The following GRAMD2A variants were observed in gnomAD, a reference collection of about 807,000 sequenced individuals.
The protein encoded by GRAMD2A is GRAM domain-containing protein 2A.
In GRAMD2A, 37 loss-of-function variants were observed where a neutral mutation model predicts 51.1. That is an observed-to-expected ratio of 0.72 (90% confidence interval 0.56 to 0.95). GRAMD2A has a LOEUF of 0.95. GRAMD2A is among the 40% of genes least tolerant of loss of function. GRAMD2A has a pLI of 0.00. For synonymous variants in GRAMD2A, 136 were observed against 157.1 expected (o/e 0.87, Z 1.01); for missense variants, 414 against 426.9 (o/e 0.97, Z 0.27).
chr15:72,167,818 C>T lies in GRAMD2A; in HGVS notation c.290G>A (p.Arg97Lys). Residue 97 changes from arginine to lysine, a missense_variant, in exon 5 of 12, where the codon AGG (arginine) becomes AAG (lysine). By Grantham distance (26) the Arg-to-Lys change is conservative. Transcript: ENST00000309731. ...VLKVCSCALQ[R>K]DFLLQGRLYI... ...GAGCCGGCCCTGGAGGAGGAAGTCC[C>T]TCTGGAGGGCACAGGAACACACTAG... The T allele has an allele frequency of 6.2e-7, 1 of 1,613,896 alleles. No homozygotes were observed. The highest frequency in any genetic ancestry group is 8.5e-7 in the Non-Finnish European group (1 of 1,179,794).
At chr15:72,186,997 A>C (rs76847110) in intron 1 of GRAMD2A, among the ~76,000 whole-genome samples, 1 of 140,776 alleles carries the variant, frequency 7.1e-6, no homozygotes, top group African/African-American at 2.7e-5. Context: ...TAAAAATACA[A>C]AAAAAAAAAA....
chr15:72,184,730 C>T (rs933829905), intron 1 of GRAMD2A, among the ~76,000 whole-genome samples: 1 of 152,234 alleles, frequency 6.6e-6, no homozygotes, highest in African/African-American at 2.4e-5. Flanking sequence ...TGCGGGAACG[C>T]TCCTTAGGAA....
intron 1 of GRAMD2A, among the ~76,000 whole-genome samples, chr15:72,196,698 C>T (rs1247782236): frequency 6.6e-6 from 1 of 152,098 alleles, no homozygotes; most frequent in Non-Finnish European, 1.5e-5. Context: ...TACCCTCTCT[C>T]GTTCCCTAGG....
chr15:72,177,849 C>A (rs1444548479), intron 1 of GRAMD2A, among the ~76,000 whole-genome samples: 1 of 152,142 alleles, frequency 6.6e-6, no homozygotes, highest in Non-Finnish European at 1.5e-5. Flanking sequence ...TGTATCAGCC[C>A]CCTGAGTAGC....
chr15:72,188,392 G>A (rs1374059032), intron 1 of GRAMD2A, among the ~76,000 whole-genome samples: 1 of 150,430 alleles, frequency 6.6e-6, no homozygotes, highest in African/African-American at 2.4e-5. Flanking sequence ...GAGAAAAAAA[G>A]GAAGTACTAT....
intron 1 of GRAMD2A, among the ~76,000 whole-genome samples, chr15:72,173,063 G>A (rs375058141): frequency 2.0e-5 from 3 of 152,116 alleles, no homozygotes; most frequent in Non-Finnish European, 2.9e-5. Context: ...GGGATAGAAC[G>A]GGATGACAAT....
At position 72,168,979 on chromosome 15, in the gene GRAMD2A, C is replaced by A. The variant is rs2081579468; in HGVS notation, c.152G>T (p.Gly51Val). 1 of 1,614,210 alleles carries A rather than the reference C, an allele frequency of 6.2e-7. No homozygotes were observed. ...CTTCTTTATCTCTTCACCCTTCAAG[C>A]CTTCTGGCCAGTGCAGACTGCAAAG... ...PPDYSLHWPE[G>V]LKGEEIKKCG... The change falls in exon 3 of 12, where the codon GGC becomes GTC. Residue 51 changes from glycine to valine, a missense_variant. Physicochemically the swap from Gly to Val is moderately radical, Grantham distance 109. Coordinates refer to ENST00000309731, the MANE Select transcript of GRAMD2A (RefSeq NM_001012642.3).
chr15:72,195,789 G>T (rs569445620), intron 1 of GRAMD2A, among the ~76,000 whole-genome samples: 1 of 151,722 alleles, frequency 6.6e-6, no homozygotes, highest in Non-Finnish European at 1.5e-5. Context: ...GTGTGGTGGC[G>T]CATGCCTGTA....
intron 3 of GRAMD2A, 146 bp downstream of exon 3, chr15:72,168,793 C>A: frequency 1.3e-6 from 1 of 778,912 alleles, no homozygotes; most frequent in Non-Finnish European, 2.2e-6. Context: ...GGGGGACACA[C>A]TACTCCCACC....
intron 5 of GRAMD2A, 78 bp downstream of exon 5, chr15:72,167,658 T>A: frequency 8.9e-7 from 1 of 1,118,666 alleles, no homozygotes; most frequent in South Asian, 1.2e-5. Context: ...GAGATAGGCA[T>A]GACTTTGAGG....
rs2081477816 is a variant in GRAMD2A at position 72,161,727 on chromosome 15, G to A, written c.*282C>T. 1 of 447,472 alleles carries A rather than the reference G, an allele frequency of 2.2e-6. No homozygotes were observed. Among genetic ancestry groups the A allele is most frequent in the Non-Finnish European group, 4.1e-6 (1 of 242,922 alleles). The allele number at this position is 447,472 out of a possible 1,614,324, so 27.7% of individuals were successfully genotyped here. A position where few individuals can be genotyped will look rare whatever the true frequency, so the allele number is the denominator to read the frequency against. On this transcript the variant is annotated 3_prime_UTR_variant, in exon 12 of 12. Coordinates refer to ENST00000309731, the MANE Select transcript of GRAMD2A (RefSeq NM_001012642.3). ...GTTTGTTTGTTTGTTTTCTCTAAGT[G>A]TTTGCTGAAGCTTTGTGTACAGAAT... is the stretch of plus-strand genomic sequence containing the variant.
intron 1 of GRAMD2A, among the ~76,000 whole-genome samples, 177 bp downstream of exon 1, chr15:72,197,554 G>A (rs2081818896): frequency 6.6e-6 from 1 of 152,008 alleles, no homozygotes; most frequent in Non-Finnish European, 1.5e-5. Flanking sequence ...AGACGCCTGG[G>A]CGCGCGGTGC....
Position 72,167,815 on chromosome 15 carries a change from TCCCTCTGGAGGGCACAGGAACA to T in GRAMD2A, c.271_292del (p.Cys91ThrfsTer37). On this transcript the variant is annotated frameshift_variant and splice_region_variant, in exon 5 of 12. Transcript: ENST00000309731. LOFTEE classifies it high-confidence loss of function. ...GTAGAGCCGGCCCTGGAGGAGGAAG[TCCCTCTGGAGGGCACAGGAACA>T]CACTAGGATGTCACAGGAGAGAAAA... is the stretch of plus-strand genomic sequence containing the variant. 1 of 1,613,840 alleles carries T rather than the reference TCCCTCTGGAGGGCACAGGAACA, an allele frequency of 6.2e-7. No homozygotes were observed. Among genetic ancestry groups the T allele is most frequent in the Non-Finnish European group, 8.5e-7 (1 of 1,179,882 alleles).
chr15:72,176,729 C>T (rs2081655665), intron 1 of GRAMD2A, among the ~76,000 whole-genome samples: 2 of 152,156 alleles, frequency 1.3e-5, no homozygotes, highest in African/African-American at 2.4e-5. Context: ...CCAGATCCCC[C>T]GACAAGGTCT....
intron 2 of GRAMD2A, chr15:72,169,230 C>T (rs2081582699): frequency 5.2e-6 from 3 of 578,292 alleles, no homozygotes; most frequent in South Asian, 3.9e-5. Context: ...CAAGGGCCCA[C>T]CTTCCCCAGT....
At chr15:72,179,468 C>T (rs891277317) in intron 1 of GRAMD2A, among the ~76,000 whole-genome samples, 3 of 152,168 alleles carry the variant, frequency 2.0e-5, no homozygotes, top group Non-Finnish European at 4.4e-5. Flanking sequence ...TGGGTGCCCC[C>T]GGAGACTGGC....
chr15:72,167,213 T>C (rs2081556654), intron 5 of GRAMD2A, 121 bp from the exon 6 acceptor site: 2 of 736,796 alleles, frequency 2.7e-6, no homozygotes, highest in Non-Finnish European at 4.9e-6. Context: ...TGGCCCCATG[T>C]GGGGAAGTCT....
At position 72,167,723 on chromosome 15, in the gene GRAMD2A, C is replaced by G; in HGVS notation, c.372+13G>C. 6.3e-7 allele frequency: 1 copy of G among 1,596,384 alleles called. No individual in the cohort carries two copies. The highest frequency in any genetic ancestry group is 1.1e-5 in the South Asian group (1 of 90,748). Reference sequence around the variant, plus strand: ...CTCACAGGGTCATGGCAGCCCTCACCACTCATTACTACCTTGATATCCTTG... The same window carrying G: ...CTCACAGGGTCATGGCAGCCCTCACGACTCATTACTACCTTGATATCCTTG... On this transcript the variant is annotated intron_variant, in intron 5 of 11. Coordinates refer to ENST00000309731, the MANE Select transcript of GRAMD2A (RefSeq NM_001012642.3).
At chr15:72,164,040 ACAT>A (rs2081512740) in intron 8 of GRAMD2A, among the ~76,000 whole-genome samples, 1 of 152,194 alleles carries the variant, frequency 6.6e-6, no homozygotes, top group African/African-American at 2.4e-5. Flanking sequence ...CAACCCAGAT[ACAT>A]GCTCAGATCT....
Sources: allele counts gnomAD v4.1 joint callset (sites outside exome capture counted in the v4.1 genomes callset), GRCh38; gene constraint gnomAD v4.1.1; transcripts MANE v1.5; gene names NCBI Gene and HGNC (gene_info 2026-07-23, HGNC 2026-07-21).